TRIM71: variants seen among roughly 807,000 people sequenced by gnomAD.
TRIM71 encodes E3 ubiquitin-protein ligase TRIM71.
Under a neutral mutation model 61.2 loss-of-function variants are expected in TRIM71, and 9 were observed. The ratio of observed to expected loss-of-function variants is 0.15; its 90% CI spans 0.09 to 0.26. The LOEUF (loss-of-function observed/expected upper bound fraction) is 0.26, where lower values mean the gene tolerates loss of function less well. Among genes scored for constraint, TRIM71 ranks in the 10% least tolerant of loss-of-function variants. The probability of loss-of-function intolerance (pLI) is 1.00; values close to 1 mark genes in which losing one functional copy is unlikely to be tolerated. For missense variants in TRIM71, 998 were observed against 1,238.7 expected, an observed-to-expected ratio of 0.81 and a Z score of 2.92; for synonymous variants, 645 against 553.2, an observed-to-expected ratio of 1.17 and a Z score of -2.33.
At chr3:32,857,077 G>A (rs181750515) in intron 1 of TRIM71, among the ~76,000 whole-genome samples, 3 of 152,280 alleles carry the variant, frequency 2.0e-5, no homozygotes, top group Admixed American at 1.3e-4. Flanking sequence ...CTCCTTCCAC[G>A]TGGCTGGAAC....
chr3:32,873,371 C>A (rs377419518), intron 1 of TRIM71, among the ~76,000 whole-genome samples: 2 of 152,260 alleles, frequency 1.3e-5, no homozygotes, highest in East Asian at 1.9e-4. Context: ...CACATCTAGG[C>A]TAGAGCAGCA....
In TRIM71 at chr3:32,890,411, A is replaced by G. The variant is rs2125693420; in HGVS notation, c.1207A>G (p.Lys403Glu). The change falls in exon 4 of 4, where the codon AAG (lysine) becomes GAG (glutamate). Residue 403 changes from lysine to glutamate, a missense_variant. Coordinates refer to ENST00000383763, the MANE Select transcript of TRIM71 (RefSeq NM_001039111.3). This position sits in a 1 kb window ranked among gnomAD's most constrained non-coding sequence, Gnocchi z 6.2. ...KAKSLYLQVEKLRQNLNKLES... is the reference protein window; with the variant it reads ...KAKSLYLQVEELRQNLNKLES... ...CAAGTCTCTGTACCTGCAGGTGGAGAAGCTGCGGCAAAACCTCAACAAGCT... is the reference window on the plus strand; with the variant it reads ...CAAGTCTCTGTACCTGCAGGTGGAGGAGCTGCGGCAAAACCTCAACAAGCT... The G allele has an allele frequency of 6.2e-7, 1 of 1,613,996 alleles. No homozygotes were observed. Among genetic ancestry groups the G allele is most frequent in the East Asian group, 2.2e-5 (1 of 44,870 alleles).
At chr3:32,857,285 G>A (rs2125683797) in intron 1 of TRIM71, among the ~76,000 whole-genome samples, 1 of 152,318 alleles carries the variant, frequency 6.6e-6, no homozygotes, top group South Asian at 2.1e-4. Flanking sequence ...CAGTCCTCCT[G>A]GGTCTGTCCC....
intron 1 of TRIM71, among the ~76,000 whole-genome samples, chr3:32,867,428 T>G (rs549204684): frequency 6.6e-6 from 1 of 151,834 alleles, no homozygotes; most frequent in Non-Finnish European, 1.5e-5. Context: ...GACAAAAATT[T>G]GTGTGTGTGT....
At position 32,867,708 on chromosome 3, in the gene TRIM71, C is replaced by A. The variant is rs143974164; in HGVS notation, c.853-6110C>A. On this transcript the variant is annotated intron_variant, in intron 1 of 3. Transcript: ENST00000383763. The stretch of plus-strand genomic sequence containing the variant: ...TTGAGCTAATTAACATGCATTGCCT[C>A]ACATACTTATTTTTTTGTGGTGAGA... 7.9e-5 allele frequency among the ~76,000 whole-genome samples: 12 copies of A among 151,936 alleles called. No homozygotes were observed. In the East Asian group the frequency reaches 2.4e-3, roughly 31 times the overall value.
rs192780796 is a variant in TRIM71 at position 32,877,434 on chromosome 3, C to G, written c.1020+3449C>G. Among the ~76,000 whole-genome samples, 13 of 151,896 alleles carry G rather than the reference C, an allele frequency of 8.6e-5. No individual in the cohort carries two copies. In the East Asian group the frequency reaches 2.5e-3, roughly 29 times the overall value. ...TTTTTTTAAGAGACAGGATCTCTCT[C>G]AAACTCCTGGGCTTTTAGGCAATCC... On this transcript the variant is annotated intron_variant, in intron 2 of 3. Transcript: ENST00000383763.
chr3:32,841,051 C>G (rs1696398252), intron 1 of TRIM71, among the ~76,000 whole-genome samples: 1 of 151,240 alleles, frequency 6.6e-6, no homozygotes, highest in Non-Finnish European at 1.5e-5. Flanking sequence ...TCGAGACCAT[C>G]CTGGCTAACC....
At chr3:32,843,410 G>A (rs1218513451) in intron 1 of TRIM71, among the ~76,000 whole-genome samples, 1 of 152,146 alleles carries the variant, frequency 6.6e-6, no homozygotes, top group Non-Finnish European at 1.5e-5. Context: ...GGTTTGCCCA[G>A]CTCTTGGGAC....
chr3:32,830,793 C>T (rs941597950), intron 1 of TRIM71, among the ~76,000 whole-genome samples: 3 of 151,946 alleles, frequency 2.0e-5, no homozygotes, highest in African/African-American at 7.2e-5. Flanking sequence ...GAATGCCTCC[C>T]CCTGCCCCAA....
intron 2 of TRIM71, among the ~76,000 whole-genome samples, chr3:32,875,805 C>T (rs1409090409): frequency 6.6e-6 from 1 of 152,144 alleles, no homozygotes; most frequent in Non-Finnish European, 1.5e-5. Context: ...CAGTGCACTC[C>T]AGCCTGGGCA....
intron 1 of TRIM71, among the ~76,000 whole-genome samples, chr3:32,839,783 G>T (rs1285868038): frequency 1.3e-5 from 2 of 152,020 alleles, no homozygotes; most frequent in Non-Finnish European, 2.9e-5. Flanking sequence ...GTCAGAGGTT[G>T]CTGGGCTGGA....
intron 1 of TRIM71, among the ~76,000 whole-genome samples, chr3:32,843,244 A>T (rs912993127): frequency 6.6e-6 from 1 of 152,256 alleles, no homozygotes. Context: ...TCTGGCCTGC[A>T]TGGTAGCAGG....
chr3:32,834,671 G>A (rs1407277655), intron 1 of TRIM71, among the ~76,000 whole-genome samples: 2 of 152,206 alleles, frequency 1.3e-5, no homozygotes, highest in Non-Finnish European at 2.9e-5. Context: ...GTGAAACCCC[G>A]TCTCTACTAA....
rs145649583 is a variant in TRIM71 at position 32,835,246 on chromosome 3, G to A, written c.852+16314G>A. 1.1e-3 allele frequency among the ~76,000 whole-genome samples: 172 copies of A among 152,314 alleles called. 2 individuals are homozygous for A. The highest frequency in any genetic ancestry group is 3.9e-3 in the African/African-American group (163 of 41,566). On this transcript the variant is annotated intron_variant, in intron 1 of 3. Transcript: ENST00000383763. ...TTGCATGTGTAACATGATGGGGGGA[G>A]TGGGGGCAGAATGTCCAAGGTGTAA...
chr3:32,856,161 G>A (rs1056122504), intron 1 of TRIM71, among the ~76,000 whole-genome samples: 1 of 152,170 alleles, frequency 6.6e-6, no homozygotes, highest in Admixed American at 6.5e-5. Context: ...GGGACTACAG[G>A]TGCCCGCCAC....
chr3:32,870,267 G>C (rs1484725771), intron 1 of TRIM71, among the ~76,000 whole-genome samples: 1 of 152,038 alleles, frequency 6.6e-6, no homozygotes, highest in African/African-American at 2.4e-5. Flanking sequence ...TATAGTTTTT[G>C]GACAATGCAT....
intron 1 of TRIM71, among the ~76,000 whole-genome samples, chr3:32,851,478 T>G (rs1696537674): frequency 6.6e-6 from 1 of 152,094 alleles, no homozygotes; most frequent in South Asian, 2.1e-4. Context: ...TTGTTTTTTG[T>G]TTTTGTTTTT....
chr3:32,877,597 G>C (rs976550558), intron 2 of TRIM71, among the ~76,000 whole-genome samples: 5 of 151,960 alleles, frequency 3.3e-5, no homozygotes, highest in Non-Finnish European at 7.4e-5. Context: ...GGCTTCATGC[G>C]ATCTTTCACC....
At chr3:32,873,336 G>A (rs1429389585) in intron 1 of TRIM71, among the ~76,000 whole-genome samples, 1 of 152,188 alleles carries the variant, frequency 6.6e-6, no homozygotes, top group Middle Eastern at 3.2e-3. Context: ...GAGGATGGTT[G>A]TTACTGGCTC....
Sources: allele counts gnomAD v4.1 joint callset (sites outside exome capture counted in the v4.1 genomes callset), GRCh38; gene constraint gnomAD v4.1.1; non-coding constraint Gnocchi (gnomAD v3.1); transcripts MANE v1.5; gene names NCBI Gene and HGNC (gene_info 2026-07-23, HGNC 2026-07-21).